The following INTS8 variants were observed in gnomAD, a reference collection of about 807,000 sequenced individuals.
The protein encoded by INTS8 is protein kaonashi-1.
Under a neutral mutation model 138.9 loss-of-function variants are expected in INTS8, and 47 were observed. That is an observed-to-expected ratio of 0.34 (90% CI 0.27 to 0.43). The LOEUF (loss-of-function observed/expected upper bound fraction) is 0.43, where lower values mean the gene tolerates loss of function less well. Among genes scored for constraint, INTS8 ranks in the 20% least tolerant of loss-of-function variants. INTS8 has a pLI of 1.00. For synonymous variants in INTS8, 392 were observed against 400.9 expected (o/e 0.98, Z 0.27); for missense variants, 996 against 1,173.0 (o/e 0.85, Z 2.20).
At chr8:94,845,340 A>G (rs1204174083) in intron 10 of INTS8, among the ~76,000 whole-genome samples, 2 of 152,016 alleles carry the variant, frequency 1.3e-5, no homozygotes, top group Non-Finnish European at 2.9e-5. Flanking sequence ...CCTCTATTGT[A>G]TGCCGGGTGT....
intron 16 of INTS8, among the ~76,000 whole-genome samples, chr8:94,860,971 G>A (rs1236458619): frequency 6.7e-6 from 1 of 150,068 alleles, no homozygotes; most frequent in Non-Finnish European, 1.5e-5. Flanking sequence ...GCAGGAGAAT[G>A]GCATGAACCC....
chr8:94,835,605 CT>C (rs543122431), intron 6 of INTS8, among the ~76,000 whole-genome samples: 133 of 145,790 alleles, frequency 9.1e-4, no homozygotes, highest in Admixed American at 1.1e-3. Flanking sequence ...GAGCCTGCTT[CT>C]TTTTTTTTTT....
intron 20 of INTS8, among the ~76,000 whole-genome samples, chr8:94,870,867 G>C (rs987788822): frequency 1.3e-5 from 2 of 152,154 alleles, no homozygotes; most frequent in Non-Finnish European, 2.9e-5. Context: ...GGTGGGAGCA[G>C]TTAGCAGTTT....
chr8:94,870,650 A>G (rs987341785), intron 20 of INTS8, among the ~76,000 whole-genome samples: 3 of 152,246 alleles, frequency 2.0e-5, no homozygotes, highest in Non-Finnish European at 4.4e-5. Context: ...AACTTATATA[A>G]CTATTTAAAT....
chr8:94,866,319 G>T (rs1297107151), intron 18 of INTS8, 128 bp downstream of exon 18: 3 of 639,166 alleles, frequency 4.7e-6, no homozygotes, highest in Non-Finnish European at 5.9e-6. Context: ...AAGGGACAGG[G>T]TCTTGATCTG....
intron 2 of INTS8, among the ~76,000 whole-genome samples, chr8:94,826,196 CAA>C (rs1208718230): frequency 6.6e-6 from 1 of 152,152 alleles, no homozygotes; most frequent in African/African-American, 2.4e-5. Context: ...GATTGCATTC[CAA>C]AAGAGTTTAT....
chr8:94,874,276 C>T (rs1480667246), intron 22 of INTS8, among the ~76,000 whole-genome samples: 1 of 151,802 alleles, frequency 6.6e-6, no homozygotes, highest in Non-Finnish European at 1.5e-5. Context: ...ATTGCCATTT[C>T]CTCTGATGTA....
chr8:94,846,372 T>G (rs1815332903), intron 10 of INTS8, among the ~76,000 whole-genome samples: 1 of 152,208 alleles, frequency 6.6e-6, no homozygotes. Flanking sequence ...CATCCCAGGT[T>G]CAAGTAATTC....
chr8:94,870,270 G>C (rs138243064), intron 20 of INTS8, among the ~76,000 whole-genome samples: 5,151 of 151,674 alleles, frequency 0.034, 91 homozygotes, highest in Non-Finnish European at 0.04. Context: ...CCAGGATGAT[G>C]TTGATCTCCT....
At chr8:94,826,673 T>A (rs1245665704) in intron 2 of INTS8, among the ~76,000 whole-genome samples, 6 of 152,198 alleles carry the variant, frequency 3.9e-5, no homozygotes, top group African/African-American at 1.4e-4. Context: ...GACGAAATGA[T>A]TTGGGAAGTG....
Position 94,872,698 on chromosome 8 carries a change from G to C in INTS8, c.2534-676G>C, listed in dbSNP as rs1329430679. 1.3e-5 allele frequency among the ~76,000 whole-genome samples: 2 copies of C among 152,138 alleles called. 1 individual carries two copies. The highest frequency in any genetic ancestry group is 4.8e-5 in the African/African-American group (2 of 41,428). On this transcript the variant is annotated intron_variant, in intron 21 of 26. Transcript: ENST00000523731. ...TCCTCTGCTGGGTTATATGTGATAA[G>C]GTTTTCCCACTTGATACGAAACTTT...
At chr8:94,866,135 A>G in intron 17 of INTS8, 23 bp from the exon 18 acceptor site, 2 of 1,022,266 alleles carry the variant, frequency 2.0e-6, no homozygotes, top group Non-Finnish European at 3.0e-6. Flanking sequence ...TTAAATGTGT[A>G]TTCAAAAATT....
At chr8:94,849,838 TA>T in intron 11 of INTS8, 77 bp from the exon 12 acceptor site, 3 of 1,073,308 alleles carry the variant, frequency 2.8e-6, no homozygotes, top group Non-Finnish European at 4.0e-6. Flanking sequence ...AATGGCTTAT[TA>T]AAATTGGTTG....
chr8:94,853,925 A>G lies in INTS8; in HGVS notation c.1752+10A>G. On this transcript the variant is annotated intron_variant, in intron 14 of 26. Coordinates refer to ENST00000523731, the MANE Select transcript of INTS8 (RefSeq NM_017864.4). ...CTGCAGTACTGTTAAGGTGAGTAAA[A>G]GTGTGTATCAAACACTTGTTAAGAA... is the stretch of plus-strand genomic sequence containing the variant. The G allele has an allele frequency of 6.9e-7, 1 of 1,453,798 alleles. No homozygotes were observed. The highest frequency in any genetic ancestry group is 9.7e-7 in the Non-Finnish European group (1 of 1,034,174). The allele number at this position is 1,453,798 out of a possible 1,614,324, so 90.1% of individuals were successfully genotyped here.
At chr8:94,861,831 G>T (rs1391164993) in intron 16 of INTS8, among the ~76,000 whole-genome samples, 1 of 150,516 alleles carries the variant, frequency 6.6e-6, no homozygotes, top group South Asian at 2.1e-4. Context: ...GATTACAGGC[G>T]TGAGCCACCG....
chr8:94,878,693 CTCTCTGCCT>C (rs1261115764), intron 26 of INTS8, among the ~76,000 whole-genome samples: 9 of 152,180 alleles, frequency 5.9e-5, no homozygotes, highest in Non-Finnish European at 1.3e-4. Context: ...CCCCTCAGCC[CTCTCTGCCT>C]AGCTTTTGAA....
At chr8:94,837,365 G>A (rs761552864) in intron 7 of INTS8, among the ~76,000 whole-genome samples, 1 of 151,852 alleles carries the variant, frequency 6.6e-6, no homozygotes, top group African/African-American at 2.4e-5. Context: ...TATGGCTGGT[G>A]CCTGGAAAAA....
At chr8:94,864,201 A>G (rs560587121) in intron 16 of INTS8, among the ~76,000 whole-genome samples, 5 of 152,098 alleles carry the variant, frequency 3.3e-5, no homozygotes, top group East Asian at 1.9e-4. Context: ...GAAATTTTTC[A>G]TAACAAAAAA....
chr8:94,861,975 C>G (rs955208074), intron 16 of INTS8, among the ~76,000 whole-genome samples: 1 of 150,980 alleles, frequency 6.6e-6, no homozygotes, highest in East Asian at 2.0e-4. Context: ...GAGTCCCCCT[C>G]TGTCGCCCAG....
Sources: allele counts gnomAD v4.1 joint callset (sites outside exome capture counted in the v4.1 genomes callset), GRCh38; gene constraint gnomAD v4.1.1; transcripts MANE v1.5; gene names NCBI Gene and HGNC (gene_info 2026-07-23, HGNC 2026-07-21).